ADAM32: variants seen among roughly 807,000 people sequenced by gnomAD.
The protein encoded by ADAM32 is disintegrin and metalloproteinase domain-containing protein 32.
ADAM32 carries 89 observed loss-of-function variants against 114.9 expected under a neutral mutation model. That is an observed-to-expected ratio of 0.77 (90% CI 0.65 to 0.92). ADAM32 has a LOEUF of 0.92. ADAM32 is among the 40% of genes least tolerant of loss of function. The pLI is 0.00. For missense variants in ADAM32, 870 were observed against 932.8 expected (o/e 0.93, Z 0.88); for synonymous variants, 285 against 307.5 (o/e 0.93, Z 0.77).
chr8:39,131,372 T>A (rs1227160701), intron 2 of ADAM32, among the ~76,000 whole-genome samples: 1 of 152,104 alleles, frequency 6.6e-6, no homozygotes, highest in Admixed American at 6.5e-5. Context: ...ATGCCTGTAG[T>A]CTCAGCTACC....
At chr8:39,124,544 A>G (rs1801999910) in intron 2 of ADAM32, among the ~76,000 whole-genome samples, 1 of 151,452 alleles carries the variant, frequency 6.6e-6, no homozygotes, top group South Asian at 2.1e-4. Flanking sequence ...CAGCCTCCCG[A>G]GTAGCTGGGA....
At chr8:39,242,609 C>T (rs1404506809) in intron 16 of ADAM32, among the ~76,000 whole-genome samples, 1 of 152,112 alleles carries the variant, frequency 6.6e-6, no homozygotes, top group Admixed American at 6.5e-5. Context: ...AGGAAGAGCA[C>T]AGGAAAGACC....
At chr8:39,230,738 A>C (rs1441181986) in intron 14 of ADAM32, among the ~76,000 whole-genome samples, 1 of 152,192 alleles carries the variant, frequency 6.6e-6, no homozygotes, top group Non-Finnish European at 1.5e-5. Flanking sequence ...AAAAAAGAAC[A>C]GCAGAAAGAA....
chr8:39,254,225 C>CTT (rs59048344), intron 17 of ADAM32, among the ~76,000 whole-genome samples, 189 bp from the exon 18 acceptor site: 3 of 125,332 alleles, frequency 2.4e-5, no homozygotes, highest in Non-Finnish European at 3.4e-5. Context: ...CTTTATAGTT[C>CTT]TTTTTTTTTT....
intron 14 of ADAM32, among the ~76,000 whole-genome samples, chr8:39,225,349 A>T (rs1227423093): frequency 6.6e-6 from 1 of 152,106 alleles, no homozygotes; most frequent in Non-Finnish European, 1.5e-5. Flanking sequence ...TACTTCATAC[A>T]TCATTACTTA....
chr8:39,136,838 T>C (rs1802836253), intron 3 of ADAM32, 120 bp downstream of exon 3: 2 of 683,920 alleles, frequency 2.9e-6, no homozygotes, highest in Admixed American at 4.0e-5. Flanking sequence ...TTGTCTTAAG[T>C]GAAGAGATGC....
intron 16 of ADAM32, among the ~76,000 whole-genome samples, chr8:39,240,229 T>A (rs1184486501): frequency 1.3e-5 from 2 of 152,178 alleles, no homozygotes; most frequent in African/African-American, 2.4e-5. Flanking sequence ...TCAAGTACTC[T>A]CTCAGACCAC....
intron 19 of ADAM32, among the ~76,000 whole-genome samples, chr8:39,262,123 T>G (rs1220546645): frequency 6.6e-6 from 1 of 152,142 alleles, no homozygotes; most frequent in Non-Finnish European, 1.5e-5. Context: ...CCCAGGCCAA[T>G]GTCCTGATCA....
chr8:39,233,047 TAA>T (rs1394300473), intron 15 of ADAM32, among the ~76,000 whole-genome samples: 1 of 152,170 alleles, frequency 6.6e-6, no homozygotes, highest in East Asian at 1.9e-4. Context: ...ATCTGCCCAG[TAA>T]GTAACAGATC....
At chr8:39,231,571 A>G (rs1448150706) in intron 14 of ADAM32, among the ~76,000 whole-genome samples, 1 of 152,198 alleles carries the variant, frequency 6.6e-6, no homozygotes, top group Non-Finnish European at 1.5e-5. Flanking sequence ...GAAGGAAAAA[A>G]TAGATAAATA....
rs1585578062 is a variant in ADAM32 at position 39,223,090 on chromosome 8, C to T, written c.1377C>T (p.Asp459=). The change falls in exon 14 of 25, where the codon GAC becomes GAT. Residue 459 remains aspartate (D), a synonymous_variant. Coordinates refer to ENST00000379907, the MANE Select transcript of ADAM32 (RefSeq NM_145004.7). ...ECRPKAHPEC[D]IAENCNGTSP... is the part of the protein sequence containing the mutation. The stretch of plus-strand genomic sequence containing the variant: ...GGCCGAAAGCACATCCTGAATGTGA[C>T]ATCGCTGAAAATTGTAATGGAACCT... 1 of 1,591,428 alleles carries T rather than the reference C, an allele frequency of 6.3e-7. No individual in the cohort carries two copies. The highest frequency in any genetic ancestry group is 2.3e-5 in the East Asian group (1 of 43,448).
chr8:39,130,013 G>A (rs1186291364), intron 2 of ADAM32: 1 of 316,312 alleles, frequency 3.2e-6, no homozygotes, highest in Non-Finnish European at 6.2e-6. Context: ...GGAGTGCAGT[G>A]GCACAGTCTT....
At chr8:39,127,966 A>G (rs142927567) in intron 2 of ADAM32, among the ~76,000 whole-genome samples, 246 of 152,176 alleles carry the variant, frequency 1.6e-3, no homozygotes, top group African/African-American at 5.6e-3. Context: ...AGGTTGTTCA[A>G]TGTCCATGTA....
At chr8:39,175,645 TG>T (rs559959314) in intron 10 of ADAM32, among the ~76,000 whole-genome samples, 1 of 152,294 alleles carries the variant, frequency 6.6e-6, no homozygotes, top group South Asian at 2.1e-4. Flanking sequence ...TTTCTTTTTT[TG>T]TTGTATCTCT....
At chr8:39,209,617 G>A (rs565376401) in intron 11 of ADAM32, among the ~76,000 whole-genome samples, 4 of 152,200 alleles carry the variant, frequency 2.6e-5, no homozygotes, top group East Asian at 3.9e-4. Flanking sequence ...CTTCTTCAGA[G>A]GACCTTACAG....
chr8:39,163,716 G>C (rs1804653079), intron 7 of ADAM32, among the ~76,000 whole-genome samples: 1 of 152,236 alleles, frequency 6.6e-6, no homozygotes. Flanking sequence ...CATGGAGCAT[G>C]TAGTGTAATA....
chr8:39,169,117 G>A (rs1008604035), intron 9 of ADAM32: 5 of 152,064 alleles, frequency 3.3e-5, no homozygotes, highest in Non-Finnish European at 5.9e-5. Context: ...GAGACAGAAG[G>A]GGCATTTCAA....
chr8:39,277,336 A>G (rs961909391), intron 22 of ADAM32, among the ~76,000 whole-genome samples: 2 of 152,218 alleles, frequency 1.3e-5, no homozygotes, highest in African/African-American at 4.8e-5. Flanking sequence ...TTTTAGAATA[A>G]CTATTCATTT....
At chr8:39,137,069 A>G (rs1802847951) in intron 3 of ADAM32, among the ~76,000 whole-genome samples, 1 of 152,252 alleles carries the variant, frequency 6.6e-6, no homozygotes, top group Non-Finnish European at 1.5e-5. Flanking sequence ...TGGGATGACC[A>G]TGAGTAATAT....
Sources: gnomAD v4.1 joint callset for allele counts (sites outside exome capture counted in the v4.1 genomes callset) on GRCh38, gnomAD v4.1.1 for gene constraint, MANE v1.5 for transcripts, NCBI Gene and HGNC (gene_info 2026-07-23, HGNC 2026-07-21) for gene names.